The following GYS2 variants were observed in gnomAD, a reference collection of about 807,000 sequenced individuals.
The protein encoded by GYS2 is glycogen [starch] synthase, liver.
GYS2 carries 80 observed loss-of-function variants against 85.6 expected under a neutral mutation model. The observed-to-expected ratio is 0.93, with a 90% confidence interval of 0.78 to 1.13. GYS2 has a LOEUF of 1.13. Among genes scored for constraint, GYS2 ranks in the 50% most tolerant of loss-of-function variants. The pLI, the probability that GYS2 is intolerant of heterozygous loss-of-function variation, is 0.00. For synonymous variants in GYS2, 328 were observed against 300.7 expected (o/e 1.09, Z -0.94); for missense variants, 881 against 854.9 (o/e 1.03, Z -0.38).
downstream of GYS2, among the ~76,000 whole-genome samples, chr12:21,536,023 C>T (rs912399891): frequency 2.0e-5 from 3 of 152,058 alleles, no homozygotes; most frequent in Non-Finnish European, 4.4e-5. Flanking sequence ...AAGATAGCTT[C>T]TCTAGGAATT....
intron 11 of GYS2, among the ~76,000 whole-genome samples, chr12:21,550,314 AACACACACACAC>A (rs10582787): frequency 6.8e-4 from 101 of 148,280 alleles, no homozygotes; most frequent in South Asian, 1.1e-3. Flanking sequence ...AGACAGAAAG[AACACACACACAC>A]ACACACACAC....
chr12:21,562,897 C>A, intron 7 of GYS2, 21 bp downstream of exon 7: 4 of 1,611,670 alleles, frequency 2.5e-6, no homozygotes, highest in Non-Finnish European at 3.4e-6. Flanking sequence ...AGTGTTATAC[C>A]ATGTCCTAGA....
downstream of GYS2, among the ~76,000 whole-genome samples, chr12:21,534,095 G>A (rs748313515): frequency 1.5e-4 from 23 of 152,152 alleles, no homozygotes; most frequent in Non-Finnish European, 2.5e-4. Context: ...ATACAGACGG[G>A]CCCAACTTAT....
chr12:21,542,700 A>G (rs896614494), intron 12 of GYS2, 109 bp from the exon 13 acceptor site: 3 of 732,916 alleles, frequency 4.1e-6, no homozygotes, highest in Non-Finnish European at 7.5e-6. Context: ...AATGTTCACT[A>G]TGTGTCAGTC....
rs151268499 is a variant in GYS2, at chr12:21,600,227, A to T, written c.121+4245T>A. Among the ~76,000 whole-genome samples, 12 of 152,164 alleles carry T rather than the reference A, an allele frequency of 7.9e-5. No individual in the cohort carries two copies. The East Asian group carries it at 2.1e-3, about 27-fold the overall frequency. ...TCACTAGAACGCCTGGATTCAATTG[A>T]TCCTCCTGCTTTAGCCTCTCAGGTA... is the stretch of plus-strand genomic sequence containing the variant. On this transcript the variant is annotated intron_variant, in intron 1 of 15. Coordinates refer to ENST00000261195, the MANE Select transcript of GYS2 (RefSeq NM_021957.4).
intron 1 of GYS2, among the ~76,000 whole-genome samples, chr12:21,583,551 A>C (rs985756771): frequency 6.6e-6 from 1 of 152,184 alleles, no homozygotes; most frequent in African/African-American, 2.4e-5. Context: ...AGATCCAATG[A>C]TGCTTGAGGT....
At chr12:21,580,656 A>T (rs1591803638) in intron 1 of GYS2, 133 bp from the exon 2 acceptor site, 1 of 736,290 alleles carries the variant, frequency 1.4e-6, no homozygotes, top group East Asian at 2.6e-5. Context: ...TTTACCTTTC[A>T]AAAATAATAG....
chr12:21,575,703 T>G (rs1944436996), intron 3 of GYS2, among the ~76,000 whole-genome samples, 163 bp downstream of exon 3: 1 of 152,176 alleles, frequency 6.6e-6, no homozygotes, highest in South Asian at 2.1e-4. Flanking sequence ...CCATTTAATT[T>G]GCAGAATGCT....
chr12:21,559,085 T>C lies in GYS2; in HGVS notation c.1308+6A>G, dbSNP rs914283284. ...GGGACATAGTGGGTGCTTTTTTCCT[T>C]ATTACCTGAGTTGAAAAGATGGCTC... On this transcript the variant is annotated splice_donor_region_variant and intron_variant, in intron 10 of 15. Transcript: ENST00000261195. The C allele has an allele frequency of 5.2e-6, 8 of 1,549,840 alleles. No individual in the cohort carries two copies. In the African/African-American group the frequency reaches 1.1e-4, roughly 21 times the overall value.
chr12:21,567,283 A>G (rs548551272), intron 5 of GYS2, among the ~76,000 whole-genome samples: 1 of 152,130 alleles, frequency 6.6e-6, no homozygotes. Flanking sequence ...TAGAAACCTC[A>G]AGAGAAATTT....
At chr12:21,580,122 T>C (rs1255899139) in intron 2 of GYS2, among the ~76,000 whole-genome samples, 1 of 152,248 alleles carries the variant, frequency 6.6e-6, no homozygotes. Flanking sequence ...ATGTTTACTC[T>C]GTATCTTCTG....
At chr12:21,544,772 G>C (rs1391125489) in intron 12 of GYS2, among the ~76,000 whole-genome samples, 1 of 152,294 alleles carries the variant, frequency 6.6e-6, no homozygotes, top group East Asian at 1.9e-4. Context: ...CCTATGTCAT[G>C]TTTCAAGACA....
chr12:21,604,487 C>T lies in GYS2; in HGVS notation c.106G>A (p.Glu36Lys), dbSNP rs1591816790. Residue 36 changes from glutamate to lysine, a missense_variant, in exon 1 of 16, where the codon GAA (glutamate) becomes AAA (lysine). By Grantham distance (56) the Glu-to-Lys change is moderately conservative (BLOSUM62 1). Transcript: ENST00000261195. The stretch of plus-strand genomic sequence containing the variant: ...CAGTACAAACCTTTATTGGTCACTT[C>T]CCAAGCAACTTCAAAGAGCAGTAAC... ...EELLLFEVAW[E>K]VTNKVGGIYT... 6.2e-7 allele frequency: 1 copy of T among 1,610,194 alleles called. No homozygotes were observed. The highest frequency in any genetic ancestry group is 8.5e-7 in the Non-Finnish European group (1 of 1,176,702).
At chr12:21,584,138 C>T (rs1187798066) in intron 1 of GYS2, among the ~76,000 whole-genome samples, 1 of 152,210 alleles carries the variant, frequency 6.6e-6, no homozygotes, top group Admixed American at 6.5e-5. Context: ...GGAAATCTTC[C>T]TAGTTGGCAG....
chr12:21,580,752 T>G (rs1055001239), intron 1 of GYS2, among the ~76,000 whole-genome samples: 1 of 152,206 alleles, frequency 6.6e-6, no homozygotes, highest in African/African-American at 2.4e-5. Context: ...TCTAGGTGCA[T>G]GTGAAATAGC....
rs762150312 is a variant in GYS2 at position 21,540,480 on chromosome 12, C to T, written c.1739G>A (p.Arg580His). The change falls in exon 14 of 16, where the codon CGC becomes CAC. Residue 580 changes from arginine to histidine, a missense_variant. Transcript: ENST00000261195. ...TCTGTTCCTCTGGATAATCCTTTGG[C>T]GGCGTGACTGTTTGCAAAATCCATA... The part of the protein sequence containing the change: ...FLYGFCKQSR[R>H]QRIIQRNRTE... 1.2e-5 allele frequency: 19 copies of T among 1,613,922 alleles called. No homozygotes were observed. The highest frequency in any genetic ancestry group is 6.6e-5 in the South Asian group (6 of 91,072).
intron 15 of GYS2, among the ~76,000 whole-genome samples, chr12:21,539,023 G>A (rs1168360800): frequency 6.6e-6 from 1 of 152,166 alleles, no homozygotes; most frequent in Non-Finnish European, 1.5e-5. Context: ...ACCATTTCAA[G>A]CATTAAGGCA....
intron 2 of GYS2, 151 bp from the exon 3 acceptor site, chr12:21,576,208 G>A (rs1944445412): frequency 1.5e-6 from 1 of 670,140 alleles, no homozygotes; most frequent in African/African-American, 1.8e-5. Flanking sequence ...TATAGCCTCT[G>A]CTGTTTGAGC....
chr12:21,581,241 G>A (rs1944506221), intron 1 of GYS2, among the ~76,000 whole-genome samples: 1 of 152,140 alleles, frequency 6.6e-6, no homozygotes. Flanking sequence ...AAAGAAAGAA[G>A]AAGTAAAAAC....
Sources: gnomAD v4.1 joint callset for allele counts (sites outside exome capture counted in the v4.1 genomes callset) on GRCh38, gnomAD v4.1.1 for gene constraint, MANE v1.5 for transcripts, NCBI Gene and HGNC (gene_info 2026-07-23, HGNC 2026-07-21) for gene names.